The following ATRNL1 variants were observed in gnomAD, a reference collection of about 807,000 sequenced individuals.
ATRNL1 encodes attractin like 1.
In ATRNL1, 95 loss-of-function variants were observed where a neutral mutation model predicts 182.7. The ratio of observed to expected loss-of-function variants is 0.52; its 90% CI spans 0.44 to 0.62. The LOEUF (loss-of-function observed/expected upper bound fraction) is 0.62, where lower values mean the gene tolerates loss of function less well. Ranked by LOEUF, ATRNL1 falls within the 20% of genes least tolerant of loss-of-function variation. The probability of loss-of-function intolerance (pLI) is 0.00; values close to 1 mark genes in which losing one functional copy is unlikely to be tolerated. For synonymous variants in ATRNL1, 576 were observed against 568.3 expected, an observed-to-expected ratio of 1.01 and a Z score of -0.19; for missense variants, 1,471 against 1,679.5, an observed-to-expected ratio of 0.88 and a Z score of 2.17.
intron 27 of ATRNL1, among the ~76,000 whole-genome samples, chr10:115,810,828 C>T (rs1490574093): frequency 6.6e-6 from 1 of 151,658 alleles, no homozygotes; most frequent in Non-Finnish European, 1.5e-5. Flanking sequence ...TTTAAAATGT[C>T]TGTAGGAACT....
chr10:115,131,683 A>G (rs1273146297), intron 5 of ATRNL1, among the ~76,000 whole-genome samples: 3 of 152,218 alleles, frequency 2.0e-5, no homozygotes, highest in Non-Finnish European at 2.9e-5. Flanking sequence ...GGCAATCTTT[A>G]TGAGGTTCAA....
intron 17 of ATRNL1, among the ~76,000 whole-genome samples, chr10:115,313,889 A>G (rs1854162306): frequency 1.3e-5 from 2 of 152,276 alleles, no homozygotes; most frequent in Admixed American, 1.3e-4. Context: ...CTTATGTCCT[A>G]TTGATAGCAT....
At chr10:115,840,247 C>A (rs1489871363) in intron 27 of ATRNL1, among the ~76,000 whole-genome samples, 2 of 152,008 alleles carry the variant, frequency 1.3e-5, no homozygotes, top group East Asian at 3.9e-4. Context: ...ACCCTGAAAA[C>A]CATCAATAAA....
intron 17 of ATRNL1, among the ~76,000 whole-genome samples, chr10:115,314,823 C>A (rs958108826): frequency 1.3e-5 from 2 of 152,048 alleles, no homozygotes; most frequent in African/African-American, 4.8e-5. Flanking sequence ...AGACAAAAAA[C>A]CAACAACAAC....
intron 27 of ATRNL1, among the ~76,000 whole-genome samples, chr10:115,744,766 C>T (rs782688254): frequency 6.6e-6 from 1 of 152,160 alleles, no homozygotes; most frequent in South Asian, 2.1e-4. Context: ...CAGCACTGAA[C>T]GACAATGTGA....
At chr10:115,466,445 G>T (rs1398438061) in intron 22 of ATRNL1, among the ~76,000 whole-genome samples, 1 of 151,172 alleles carries the variant, frequency 6.6e-6, no homozygotes, top group Non-Finnish European at 1.5e-5. Flanking sequence ...GGAACAAATA[G>T]TTGTAAATAT....
At chr10:115,355,690 C>G (rs1856472634) in intron 19 of ATRNL1, among the ~76,000 whole-genome samples, 1 of 151,618 alleles carries the variant, frequency 6.6e-6, no homozygotes. Context: ...CCATTTAGGT[C>G]TTACTCTTTT....
At chr10:115,364,848 C>T (rs1554945411) in intron 19 of ATRNL1, among the ~76,000 whole-genome samples, 2 of 150,354 alleles carry the variant, frequency 1.3e-5, no homozygotes, top group African/African-American at 4.9e-5. Flanking sequence ...ATTGAACCAG[C>T]CTTGCATCCC....
chr10:115,130,676 T>C (rs1845190520), intron 5 of ATRNL1, among the ~76,000 whole-genome samples: 1 of 152,142 alleles, frequency 6.6e-6, no homozygotes, highest in South Asian at 2.1e-4. Context: ...TAATCATTTA[T>C]GACTTTTCTT....
intron 5 of ATRNL1, among the ~76,000 whole-genome samples, chr10:115,157,581 T>G (rs999587124): frequency 6.6e-6 from 1 of 152,082 alleles, no homozygotes; most frequent in Non-Finnish European, 1.5e-5. Flanking sequence ...TCCTCTATCT[T>G]CAGATCCGGG....
chr10:115,529,282 A>C (rs782315786), intron 25 of ATRNL1, among the ~76,000 whole-genome samples: 90 of 151,594 alleles, frequency 5.9e-4, no homozygotes, highest in Middle Eastern at 3.5e-3. Flanking sequence ...AACATTTTTA[A>C]CTTAAATATA....
intron 28 of ATRNL1, among the ~76,000 whole-genome samples, chr10:115,859,142 C>G (rs1951252701): frequency 1.3e-5 from 2 of 152,062 alleles, no homozygotes; most frequent in Non-Finnish European, 1.5e-5. Flanking sequence ...CTAATTAGTC[C>G]TCCCCAAAAA....
intron 26 of ATRNL1, among the ~76,000 whole-genome samples, chr10:115,589,699 A>G (rs1287569236): frequency 1.3e-5 from 2 of 152,162 alleles, no homozygotes; most frequent in Non-Finnish European, 2.9e-5. Flanking sequence ...AGCAAATCTC[A>G]TTAATTTTGA....
intron 9 of ATRNL1, among the ~76,000 whole-genome samples, chr10:115,239,325 C>T (rs555904102): frequency 1.1e-4 from 17 of 152,118 alleles, no homozygotes; most frequent in African/African-American, 1.7e-4. Context: ...CTCTGCCTCC[C>T]GGGTTCAAGC....
At chr10:115,751,988 C>A (rs1460999927) in intron 27 of ATRNL1, among the ~76,000 whole-genome samples, 6 of 151,990 alleles carry the variant, frequency 3.9e-5, no homozygotes, top group Admixed American at 3.9e-4. Flanking sequence ...CTTCGTAGAT[C>A]TGACCCTCTA....
chr10:115,199,920 G>C (rs1349501345), intron 8 of ATRNL1, among the ~76,000 whole-genome samples: 1 of 152,124 alleles, frequency 6.6e-6, no homozygotes, highest in Non-Finnish European at 1.5e-5. Flanking sequence ...TCTGTAGACA[G>C]GTGAACAGTT....
At chr10:115,831,919 A>C (rs899090765) in intron 27 of ATRNL1, among the ~76,000 whole-genome samples, 1 of 152,202 alleles carries the variant, frequency 6.6e-6, no homozygotes, top group African/African-American at 2.4e-5. Context: ...TTGAAAACCA[A>C]CACCAAGAAA....
At chr10:115,270,061 T>C (rs1358079954) in intron 13 of ATRNL1, among the ~76,000 whole-genome samples, 3 of 151,686 alleles carry the variant, frequency 2.0e-5, no homozygotes, top group African/African-American at 4.8e-5. Flanking sequence ...TGGTTATGCT[T>C]TGAAAATTTA....
At chr10:115,399,819 TTC>T (rs1554956539) in intron 20 of ATRNL1, among the ~76,000 whole-genome samples, 1 of 151,998 alleles carries the variant, frequency 6.6e-6, no homozygotes, top group Admixed American at 6.6e-5. Flanking sequence ...TGCTATAAAT[TTC>T]TCTCTTAAGA....
Sources: gnomAD v4.1 joint callset for allele counts (sites outside exome capture counted in the v4.1 genomes callset) on GRCh38, gnomAD v4.1.1 for gene constraint, MANE v1.5 for transcripts, NCBI Gene and HGNC (gene_info 2026-07-23, HGNC 2026-07-21) for gene names.